Variants in NDUFS8 observed in about 807,000 individuals in gnomAD.
NDUFS8 encodes the protein NADH dehydrogenase [ubiquinone] iron-sulfur protein 8, mitochondrial.
Under a neutral mutation model 25.6 loss-of-function variants are expected in NDUFS8, and 13 were observed. The observed-to-expected ratio is 0.51, with a 90% CI of 0.33 to 0.81. The LOEUF is 0.81. Ranked by LOEUF, NDUFS8 falls within the 30% of genes least tolerant of loss-of-function variation. NDUFS8 has a pLI of 0.02. For missense variants in NDUFS8, 257 were observed against 300.9 expected, an observed-to-expected ratio of 0.85 and a Z score of 1.08; for synonymous variants, 119 against 119.4, an observed-to-expected ratio of 1.00 and a Z score of 0.02.
chr11:68,036,017 CAAAAAAA>C (rs56359843), intron 5 of NDUFS8: 5 of 374,248 alleles, frequency 1.3e-5, no homozygotes, highest in African/African-American at 6.3e-5. Flanking sequence ...GACTCTATCT[CAAAAAAA>C]AAAAAAAAAA....
chr11:68,031,822 G>C, intron 1 of NDUFS8: 1 of 446,138 alleles, frequency 2.2e-6, no homozygotes, highest in East Asian at 4.6e-5. Flanking sequence ...GTTGTTTTTG[G>C]TTAGATTTGG....
intron 1 of NDUFS8, 171 bp downstream of exon 1, chr11:68,030,904 C>CGCCGGCCCTCAGGGT (rs1227434297): frequency 2.2e-6 from 1 of 446,374 alleles, no homozygotes; most frequent in Non-Finnish European, 4.5e-6. Context: ...GCTCTCAGGG[C>CGCCGGCCCTCAGGGT]GCATGCGCCG....
intron 1 of NDUFS8, 73 bp from the exon 2 acceptor site, chr11:68,032,079 C>A: frequency 6.2e-7 from 1 of 1,602,720 alleles, no homozygotes; most frequent in South Asian, 1.1e-5. Flanking sequence ...GACTTGGGAT[C>A]CTTGCGGTGC....
chr11:68,036,295 C>T lies in NDUFS8; in HGVS notation c.415C>T (p.Arg139Trp), dbSNP rs377430321. The T allele has an allele frequency of 3.7e-5, 59 of 1,613,180 alleles. No individual in the cohort carries two copies. Among genetic ancestry groups the T allele is most frequent in the Admixed American group, 8.3e-5 (5 of 59,992 alleles). The part of the protein sequence containing the change: ...EAEPRADGSR[R>W]TTRYDIDMTK... ...TGAGCCAAGAGCTGATGGCAGCCGC[C>T]GGACCACCCGCTATGACATCGACAT... is the stretch of plus-strand genomic sequence containing the variant. Residue 139 changes from arginine (R) to tryptophan (W), a missense_variant, in exon 6 of 7, where the codon CGG becomes TGG. Coordinates refer to ENST00000313468, the MANE Select transcript of NDUFS8 (RefSeq NM_002496.4).
chr11:68,031,812 G>A, intron 1 of NDUFS8: 1 of 431,210 alleles, frequency 2.3e-6, no homozygotes, highest in East Asian at 5.0e-5. Context: ...GGCTGGTAAT[G>A]TTGTTTTTGG....
chr11:68,036,265 G>C lies in NDUFS8; in HGVS notation c.385G>C (p.Glu129Gln). 6.8e-6 allele frequency: 11 copies of C among 1,612,834 alleles called. No individual in the cohort carries two copies. Among genetic ancestry groups the C allele is most frequent in the Non-Finnish European group, 8.5e-6 (10 of 1,179,828 alleles). ...GCCCCTCCCGCAGGCCATCACCATCGAGGCTGAGCCAAGAGCTGATGGCAG... is the reference window on the plus strand; with the variant it reads ...GCCCCTCCCGCAGGCCATCACCATCCAGGCTGAGCCAAGAGCTGATGGCAG... ...AICPAQAITI[E>Q]AEPRADGSRR... The change falls in exon 6 of 7, where the codon GAG becomes CAG. Residue 129 changes from glutamate to glutamine, a missense_variant. Coordinates refer to ENST00000313468, the MANE Select transcript of NDUFS8 (RefSeq NM_002496.4).
chr11:68,033,021 T>C lies in NDUFS8; in HGVS notation c.199+9T>C. 1 of 1,613,644 alleles carries C rather than the reference T, an allele frequency of 6.2e-7. No individual in the cohort carries two copies. The highest frequency in any genetic ancestry group is 8.5e-7 in the Non-Finnish European group (1 of 1,179,936). On this transcript the variant is annotated intron_variant, in intron 4 of 6. Coordinates refer to ENST00000313468, the MANE Select transcript of NDUFS8 (RefSeq NM_002496.4). ...GACTGAGCTCTTCCGAGGTGCGTCC[T>C]GGGCATGAGGGGACAGGGAAGGTGC... is the stretch of plus-strand genomic sequence containing the variant.
chr11:68,033,738 G>A (rs1345273142), intron 5 of NDUFS8: 3 of 248,714 alleles, frequency 1.2e-5, no homozygotes, highest in Admixed American at 5.0e-5. Flanking sequence ...AGGCCTGCCA[G>A]CACGGGAACA....
intron 1 of NDUFS8, 124 bp downstream of exon 1, chr11:68,030,857 C>G (rs1290764566): frequency 2.3e-6 from 1 of 440,244 alleles, no homozygotes; most frequent in African/African-American, 2.1e-5. Context: ...ACTCAGGATC[C>G]GCGGCCTCCG....
intron 3 of NDUFS8, chr11:68,032,640 C>G (rs1565145828): frequency 5.0e-6 from 5 of 996,214 alleles, no homozygotes; most frequent in Non-Finnish European, 7.2e-6. Flanking sequence ...CTCAAGCCCC[C>G]CACCTACCCC....
intron 5 of NDUFS8, chr11:68,035,920 G>A (rs1252331261): frequency 1.3e-5 from 5 of 373,544 alleles, no homozygotes; most frequent in Non-Finnish European, 2.6e-5. Context: ...TCAGGGGGCT[G>A]AGGCAGGAGA....
At chr11:68,033,065 T>C in intron 4 of NDUFS8, 46 bp from the exon 5 acceptor site, 9 of 1,613,138 alleles carry the variant, frequency 5.6e-6, no homozygotes, top group Non-Finnish European at 7.6e-6. Context: ...CACGGATGCA[T>C]GGGGGAGGAG....
chr11:68,032,737 A>T, intron 3 of NDUFS8, 186 bp from the exon 4 acceptor site: 1 of 798,694 alleles, frequency 1.3e-6, no homozygotes, highest in Non-Finnish European at 2.0e-6. Context: ...GTAGGCACGG[A>T]CGGGCTCAGG....
chr11:68,035,685 GTGAGA>G (rs1854871877), intron 5 of NDUFS8: 2 of 455,370 alleles, frequency 4.4e-6, no homozygotes, highest in African/African-American at 4.0e-5. Context: ...CAGCCCCCTC[GTGAGA>G]GGGGGTTCTT....
intron 1 of NDUFS8, 104 bp from the exon 2 acceptor site, chr11:68,032,047 CA>C: frequency 6.4e-7 from 1 of 1,551,910 alleles, no homozygotes; most frequent in Non-Finnish European, 8.9e-7. Context: ...GAGTAGAGGG[CA>C]AAGTGACACA....
intron 5 of NDUFS8, 102 bp downstream of exon 5, chr11:68,033,385 C>T: frequency 7.3e-7 from 1 of 1,374,412 alleles, no homozygotes; most frequent in Non-Finnish European, 1.0e-6. Flanking sequence ...TGATGTGCGT[C>T]CCCAGGAAGT....
intron 5 of NDUFS8, 177 bp downstream of exon 5, chr11:68,033,460 A>G: frequency 1.3e-6 from 1 of 792,424 alleles, no homozygotes; most frequent in South Asian, 1.5e-5. Context: ...ACCAGAGCAC[A>G]GAGTCAGTGA....
At position 68,033,028 on chromosome 11, in the gene NDUFS8, G is replaced by A. The variant is rs1854802627; in HGVS notation, c.199+16G>A. The A allele has an allele frequency of 6.2e-7, 1 of 1,613,480 alleles. No individual in the cohort carries two copies. The highest frequency in any genetic ancestry group is 1.3e-5 in the African/African-American group (1 of 74,934). On this transcript the variant is annotated intron_variant, in intron 4 of 6. Transcript: ENST00000313468. ...CTCTTCCGAGGTGCGTCCTGGGCATGAGGGGACAGGGAAGGTGCCGGGTGG... is the reference window on the plus strand; with the variant it reads ...CTCTTCCGAGGTGCGTCCTGGGCATAAGGGGACAGGGAAGGTGCCGGGTGG...
intron 5 of NDUFS8, among the ~76,000 whole-genome samples, chr11:68,035,437 CAAA>C (rs1338936682): frequency 1.3e-5 from 2 of 152,048 alleles, no homozygotes; most frequent in South Asian, 2.1e-4. Context: ...TCTCAAAAAA[CAAA>C]AACAACAACA....
Sources: gnomAD v4.1 joint callset for allele counts (sites outside exome capture counted in the v4.1 genomes callset) on GRCh38, gnomAD v4.1.1 for gene constraint, MANE v1.5 for transcripts, NCBI Gene and HGNC (gene_info 2026-07-23, HGNC 2026-07-21) for gene names.